TENM3: variants seen among roughly 807,000 people sequenced by gnomAD.
TENM3 encodes teneurin transmembrane protein 3.
In TENM3, 63 loss-of-function variants were observed where a neutral mutation model predicts 255.1. The observed-to-expected ratio is 0.25, with a 90% CI of 0.20 to 0.30. The LOEUF (loss-of-function observed/expected upper bound fraction) is 0.30. TENM3 is among the 10% of genes least tolerant of loss of function. The pLI is 1.00. For synonymous variants in TENM3, 1,306 were observed against 1,322.3 expected (o/e 0.99, Z 0.27); for missense variants, 2,929 against 3,461.1 (o/e 0.85, Z 3.86).
chr4:181,756,091 A>T, the TENM3 span, among the ~76,000 whole-genome samples: 1 of 152,254 alleles, frequency 6.6e-6, no homozygotes, highest in South Asian at 2.1e-4. Context: ...GGGCTCTCCT[A>T]ATTTCACAGA....
chr4:181,782,452 G>T, the TENM3 span, among the ~76,000 whole-genome samples: 3 of 152,028 alleles, frequency 2.0e-5, no homozygotes, highest in Non-Finnish European at 4.4e-5. Context: ...TATTTCTGTG[G>T]GATCGGTGGT....
intron 18 of TENM3, among the ~76,000 whole-genome samples, chr4:182,739,040 AT>A (rs34763072): frequency 0.16 from 23,802 of 149,698 alleles, 2,324 homozygotes; most frequent in African/African-American, 0.27. Context: ...GAGTATCTAG[AT>A]TTTTTTTTTT....
chr4:182,128,860 G>T, the TENM3 span, among the ~76,000 whole-genome samples: 5 of 152,156 alleles, frequency 3.3e-5, no homozygotes, highest in East Asian at 9.6e-4. Context: ...CATTACAGAA[G>T]TTGGTTTGTT....
At chr4:181,972,175 A>G in the TENM3 span, among the ~76,000 whole-genome samples, 3 of 152,080 alleles carry the variant, frequency 2.0e-5, no homozygotes, top group Admixed American at 6.6e-5. Context: ...CAATCCCAGC[A>G]ATTTGGGAGG....
At chr4:182,509,366 A>G (rs1202453474) in intron 3 of TENM3, among the ~76,000 whole-genome samples, 1 of 152,160 alleles carries the variant, frequency 6.6e-6, no homozygotes, top group Non-Finnish European at 1.5e-5. Context: ...TCTTAACAAA[A>G]ATAGTAAGCA....
the TENM3 span, among the ~76,000 whole-genome samples, chr4:182,108,816 A>ATT: frequency 6.6e-6 from 1 of 152,164 alleles, no homozygotes; most frequent in Admixed American, 6.5e-5. Context: ...CAAGTCTTTC[A>ATT]CTGTAAATCA....
chr4:182,586,175 T>G (rs955614909), intron 3 of TENM3, among the ~76,000 whole-genome samples: 12 of 152,178 alleles, frequency 7.9e-5, no homozygotes, highest in Non-Finnish European at 1.3e-4. Flanking sequence ...GAGGATTCCT[T>G]GAGCCCAAGA....
chr4:181,704,914 G>A, the TENM3 span, among the ~76,000 whole-genome samples: 3 of 151,874 alleles, frequency 2.0e-5, no homozygotes, highest in Non-Finnish European at 4.4e-5. Flanking sequence ...CTGTAATCCT[G>A]GCTATTCGGG....
the TENM3 span, among the ~76,000 whole-genome samples, chr4:182,135,836 T>C: frequency 1.3e-5 from 2 of 152,358 alleles, no homozygotes; most frequent in East Asian, 3.9e-4. Flanking sequence ...ATATCCTTAG[T>C]TGATAGTTCA....
At chr4:181,717,733 G>C in the TENM3 span, among the ~76,000 whole-genome samples, 1 of 152,146 alleles carries the variant, frequency 6.6e-6, no homozygotes, top group Non-Finnish European at 1.5e-5. Context: ...GGTATTGTTT[G>C]CATCTGGTAT....
intron 13 of TENM3, among the ~76,000 whole-genome samples, chr4:182,719,252 C>CTTTTTTTTTTTTTTTTT (rs11348241): frequency 6.2e-5 from 5 of 80,824 alleles, no homozygotes; most frequent in African/African-American, 1.1e-4. Flanking sequence ...TTTTTTTTTT[C>CTTTTTTTTTTTTTTTTT]TTTTTTTTTT....
At chr4:181,870,452 A>T in the TENM3 span, among the ~76,000 whole-genome samples, 1 of 152,126 alleles carries the variant, frequency 6.6e-6, no homozygotes, top group Non-Finnish European at 1.5e-5. Context: ...CATTTGTCCC[A>T]AATAACAATT....
intron 3 of TENM3, among the ~76,000 whole-genome samples, chr4:182,486,904 T>C (rs1734793617): frequency 6.6e-6 from 1 of 152,196 alleles, no homozygotes; most frequent in South Asian, 2.1e-4. Flanking sequence ...ATGTTAGTTA[T>C]CTAAGCTAGA....
At chr4:181,848,010 G>A in the TENM3 span, among the ~76,000 whole-genome samples, 3 of 152,066 alleles carry the variant, frequency 2.0e-5, no homozygotes, top group East Asian at 1.9e-4. Flanking sequence ...AGTTGTTTTG[G>A]TTATTTTTAA....
the TENM3 span, among the ~76,000 whole-genome samples, chr4:181,568,161 AC>A: frequency 7.2e-6 from 1 of 138,112 alleles, no homozygotes; most frequent in Non-Finnish European, 1.5e-5. Context: ...GCCAACTAAT[AC>A]TTTTTTTTTT....
rs368983582 is a variant in TENM3, at chr4:182,681,826, A to G, written c.1847A>G (p.Asp616Gly). 1.9e-6 allele frequency: 3 copies of G among 1,613,300 alleles called. No homozygotes were observed. Among genetic ancestry groups the G allele is most frequent in the African/African-American group, 2.7e-5 (2 of 75,010 alleles). Residue 616 changes from aspartate (D) to glycine (G), a missense_variant, in exon 11 of 28, where the codon GAC becomes GGC. By Grantham distance (94) the Asp-to-Gly change is moderately conservative. Coordinates refer to ENST00000511685, the MANE Select transcript of TENM3 (RefSeq NM_001080477.4). ...GESCEEADCI[D>G]PGCSNHGVCI... The stretch of plus-strand genomic sequence containing the variant: ...TTCTTTACACCAGCTGACTGTATAG[A>G]CCCTGGGTGTTCTAATCATGGTGTG...
chr4:181,781,885 T>A, the TENM3 span, among the ~76,000 whole-genome samples: 2 of 152,058 alleles, frequency 1.3e-5, no homozygotes, highest in Non-Finnish European at 2.9e-5. Flanking sequence ...ACCATGTGGT[T>A]TTTGTCTTTG....
At chr4:181,973,953 G>A in the TENM3 span, among the ~76,000 whole-genome samples, 7 of 152,142 alleles carry the variant, frequency 4.6e-5, no homozygotes, top group South Asian at 2.1e-4. Context: ...AGGGGACACC[G>A]GCAGGGGTAG....
the TENM3 span, among the ~76,000 whole-genome samples, chr4:181,620,976 T>C: frequency 6.6e-6 from 1 of 152,194 alleles, no homozygotes; most frequent in African/African-American, 2.4e-5. Flanking sequence ...TCAGCTGTCC[T>C]CTTGACTTCT....
Sources: gnomAD v4.1 joint callset for allele counts (sites outside exome capture counted in the v4.1 genomes callset) on GRCh38, gnomAD v4.1.1 for gene constraint, MANE v1.5 for transcripts, NCBI Gene and HGNC (gene_info 2026-07-23, HGNC 2026-07-21) for gene names.